Variants in DOCK1 observed in about 807,000 individuals in gnomAD.
DOCK1 encodes the protein dedicator of cytokinesis 1, also known as dedicator of cytokinesis protein 1.
A neutral mutation model predicts 262.7 loss-of-function variants in DOCK1; 138 were observed. The ratio of observed to expected loss-of-function variants is 0.53; its 90% CI spans 0.46 to 0.61. The LOEUF is 0.61. Ranked by LOEUF, DOCK1 falls within the 20% of genes least tolerant of loss-of-function variation. DOCK1 has a pLI of 0.00. For missense variants in DOCK1, 1,908 were observed against 2,370.7 expected (o/e 0.80, Z 4.05); for synonymous variants, 866 against 867.4 (o/e 1.00, Z 0.03).
intron 1 of DOCK1, among the ~76,000 whole-genome samples, chr10:126,917,821 A>G (rs907753803): frequency 2.0e-5 from 3 of 152,126 alleles, no homozygotes; most frequent in African/African-American, 7.2e-5. Flanking sequence ...ACCCAGGGCC[A>G]GTTTAAGAGG....
At chr10:127,263,514 G>A (rs2060252605) in intron 29 of DOCK1, among the ~76,000 whole-genome samples, 1 of 152,216 alleles carries the variant, frequency 6.6e-6, no homozygotes, top group African/African-American at 2.4e-5. Context: ...GAGAGTACCA[G>A]ATGGCAAGAT....
intron 27 of DOCK1, among the ~76,000 whole-genome samples, chr10:127,156,024 T>C (rs1443569032): frequency 6.6e-6 from 1 of 152,198 alleles, no homozygotes; most frequent in Non-Finnish European, 1.5e-5. Context: ...ATCCAAATTT[T>C]AGGTTCTTAC....
At chr10:127,112,341 C>T (rs1343659436) in intron 25 of DOCK1, among the ~76,000 whole-genome samples, 3 of 152,158 alleles carry the variant, frequency 2.0e-5, no homozygotes, top group African/African-American at 4.8e-5. Context: ...TTAAAACTTG[C>T]TCATTTCTTT....
chr10:126,960,840 A>G (rs1311815810), intron 1 of DOCK1, among the ~76,000 whole-genome samples: 1 of 150,692 alleles, frequency 6.6e-6, no homozygotes, highest in Non-Finnish European at 1.5e-5. Flanking sequence ...ATCTATACGT[A>G]TAGATATATA....
intron 14 of DOCK1, 59 bp downstream of exon 14, chr10:127,023,383 C>T: frequency 6.2e-7 from 1 of 1,600,762 alleles, no homozygotes; most frequent in Non-Finnish European, 8.5e-7. Context: ...CAAGTGCTCA[C>T]CTTGGCTCTG....
chr10:127,061,599 A>T, intron 22 of DOCK1, 69 bp from the exon 23 acceptor site: 1 of 1,304,516 alleles, frequency 7.7e-7, no homozygotes, highest in Non-Finnish European at 1.1e-6. Flanking sequence ...CTTCATGGCT[A>T]TAGACATGGA....
At chr10:127,253,926 C>T (rs944502203) in intron 28 of DOCK1, among the ~76,000 whole-genome samples, 13 of 150,322 alleles carry the variant, frequency 8.6e-5, no homozygotes, top group Non-Finnish European at 1.3e-4. Flanking sequence ...TCAATTCATC[C>T]GTTGAAAGCA....
chr10:127,175,353 C>T lies in DOCK1; in HGVS notation c.2847+47589C>T, dbSNP rs748541758. 1.4e-5 allele frequency: 23 copies of T among 1,614,012 alleles called. No individual in the cohort carries two copies. In the Admixed American group the frequency reaches 1.7e-4, roughly 12 times the overall value. On this transcript the variant is annotated intron_variant, in intron 27 of 51. Transcript: ENST00000623213. This position sits in a 1 kb window ranked among gnomAD's most constrained non-coding sequence, Gnocchi z 6.3. ...GACCACTTCCGTATGAGGCACGATT[C>T]GTTGGCATTCTTCACCTGCAGCAAC... is the stretch of plus-strand genomic sequence containing the variant.
At chr10:127,107,762 C>G (rs1343604567) in intron 24 of DOCK1, among the ~76,000 whole-genome samples, 1 of 152,230 alleles carries the variant, frequency 6.6e-6, no homozygotes, top group African/African-American at 2.4e-5. Context: ...CCAGGGCTCT[C>G]TCATATTTTA....
intron 43 of DOCK1, among the ~76,000 whole-genome samples, chr10:127,414,625 A>G (rs940808931): frequency 3.3e-5 from 5 of 152,184 alleles, no homozygotes; most frequent in Admixed American, 1.3e-4. Flanking sequence ...TGCTCTTTCC[A>G]TATCTTTATG....
chr10:126,949,011 T>G (rs949363152), intron 1 of DOCK1, among the ~76,000 whole-genome samples: 8 of 152,106 alleles, frequency 5.3e-5, no homozygotes, highest in Non-Finnish European at 1.0e-4. Flanking sequence ...CCTTTGTAAC[T>G]GAGCTTTCGT....
At chr10:126,963,094 T>A (rs1349137199) in intron 1 of DOCK1, among the ~76,000 whole-genome samples, 1 of 152,226 alleles carries the variant, frequency 6.6e-6, no homozygotes, top group Non-Finnish European at 1.5e-5. Context: ...ATATTTGTCT[T>A]TATGACAGTA....
chr10:127,422,756 G>A (rs2068591197), intron 46 of DOCK1, among the ~76,000 whole-genome samples: 1 of 152,124 alleles, frequency 6.6e-6, no homozygotes, highest in South Asian at 2.1e-4. Context: ...CATTTTAGAT[G>A]TTGTAGATTT....
At chr10:127,081,375 T>G (rs977532881) in intron 23 of DOCK1, among the ~76,000 whole-genome samples, 4 of 152,012 alleles carry the variant, frequency 2.6e-5, no homozygotes, top group African/African-American at 9.7e-5. Flanking sequence ...TGGGGCTTTT[T>G]TTTTTTTTGC....
At chr10:127,236,268 C>T (rs890722053) in intron 27 of DOCK1, among the ~76,000 whole-genome samples, 1 of 152,058 alleles carries the variant, frequency 6.6e-6, no homozygotes, top group Non-Finnish European at 1.5e-5. Context: ...ATCTATGATA[C>T]ATTTTGAGTC....
chr10:127,361,331 G>C (rs1020108238), intron 32 of DOCK1, among the ~76,000 whole-genome samples: 1 of 151,974 alleles, frequency 6.6e-6, no homozygotes, highest in Admixed American at 6.6e-5. Context: ...AGCCAGGATG[G>C]TCTCGATCTC....
At chr10:127,037,660 A>ATT in intron 18 of DOCK1, 59 bp from the exon 19 acceptor site, 1 of 1,436,568 alleles carries the variant, frequency 7.0e-7, no homozygotes, top group Admixed American at 2.3e-5. Context: ...TGCATGATTA[A>ATT]CAGAGACAGA....
intron 48 of DOCK1, among the ~76,000 whole-genome samples, chr10:127,435,435 A>G (rs1028854574): frequency 6.6e-6 from 1 of 152,132 alleles, no homozygotes; most frequent in Non-Finnish European, 1.5e-5. Flanking sequence ...AACTATCCCC[A>G]TATTTTTTCT....
At chr10:127,346,699 A>G (rs2063649718) in intron 31 of DOCK1, among the ~76,000 whole-genome samples, 1 of 152,256 alleles carries the variant, frequency 6.6e-6, no homozygotes, top group South Asian at 2.1e-4. Flanking sequence ...CAGAATCTTC[A>G]AAGCCACGGA....
Sources: allele counts gnomAD v4.1 joint callset (sites outside exome capture counted in the v4.1 genomes callset), GRCh38; gene constraint gnomAD v4.1.1; non-coding constraint Gnocchi (gnomAD v3.1); transcripts MANE v1.5; gene names NCBI Gene and HGNC (gene_info 2026-07-23, HGNC 2026-07-21).